CSPG4: variants seen among roughly 807,000 people sequenced by gnomAD.
CSPG4 encodes chondroitin sulfate proteoglycan 4 (melanoma-associated).
A neutral mutation model predicts 139.3 loss-of-function variants in CSPG4; 74 were observed. The observed-to-expected ratio is 0.53, with a 90% CI of 0.44 to 0.64. The LOEUF (loss-of-function observed/expected upper bound fraction) is 0.64, where lower values mean the gene tolerates loss of function less well. CSPG4 is among the 30% of genes least tolerant of loss of function. The probability of loss-of-function intolerance (pLI) is 0.00; values close to 1 mark genes in which losing one functional copy is unlikely to be tolerated. For synonymous variants in CSPG4, 1,234 were observed against 1,394.2 expected (o/e 0.89, Z 2.56); for missense variants, 2,565 against 3,148.3 (o/e 0.81, Z 4.43).
At chr15:75,678,534 T>G in intron 8 of CSPG4, 2 of 402,862 alleles carry the variant, frequency 5.0e-6, no homozygotes, top group South Asian at 1.8e-5. Flanking sequence ...TTTTATTGTT[T>G]GTTGAGACAG....
chr15:75,698,052 G>A lies in CSPG4; in HGVS notation c.89-4819C>T, dbSNP rs991591786. ...AAAACTCGAGGGAGACAGAGAAGGC[G>A]GGATGTTGGCAGCAAGCCTGCTGCT... On this transcript the variant is annotated intron_variant, in intron 1 of 9. Transcript: ENST00000308508. This position sits in a 1 kb window ranked among gnomAD's most constrained non-coding sequence, Gnocchi z 4.3. Among the ~76,000 whole-genome samples, 1 of 152,308 alleles carries A rather than the reference G, an allele frequency of 6.6e-6. No homozygotes were observed. The highest frequency in any genetic ancestry group is 1.9e-4 in the East Asian group (1 of 5,174).
chr15:75,709,037 T>C (rs1596015061), intron 1 of CSPG4, among the ~76,000 whole-genome samples: 2 of 152,038 alleles, frequency 1.3e-5, no homozygotes, highest in African/African-American at 4.8e-5. Flanking sequence ...CACTATGGGG[T>C]GTCCCTGAAG....
Position 75,674,392 on chromosome 15 carries a change from T to C in CSPG4, c.*1158A>G, listed in dbSNP as rs1893860034. The C allele has an allele frequency of 7.4e-6, 2 of 270,616 alleles. No individual in the cohort carries two copies. Among genetic ancestry groups the C allele is most frequent in the African/African-American group, 2.2e-5 (1 of 45,744 alleles). 16.8% of individuals were successfully genotyped at this position (270,616 alleles called of 1,614,324 possible). A position where few individuals can be genotyped will look rare whatever the true frequency, so the allele number is the denominator to read the frequency against. On this transcript the variant is annotated 3_prime_UTR_variant, in exon 10 of 10. Coordinates refer to ENST00000308508, the MANE Select transcript of CSPG4 (RefSeq NM_001897.5). The stretch of plus-strand genomic sequence containing the variant: ...TGTAGAGGACCTAGCCTTTCTCTAC[T>C]GAACTGAAGGGGTTTGGTCCCATCA...
intron 8 of CSPG4, chr15:75,678,874 T>A: frequency 4.5e-6 from 2 of 442,934 alleles, no homozygotes; most frequent in Non-Finnish European, 9.1e-6. Flanking sequence ...CAGCCTCCTC[T>A]TAACTGCTCA....
chr15:75,678,951 G>A, intron 8 of CSPG4: 1 of 359,218 alleles, frequency 2.8e-6, no homozygotes, highest in Non-Finnish European at 5.5e-6. Context: ...ACTTCACTCT[G>A]GGGTTCCTCC....
At position 75,688,688 on chromosome 15, in the gene CSPG4, G is replaced by C. The variant is rs1394680122; in HGVS notation, c.2377C>G (p.His793Asp). 15 of 1,611,204 alleles carry C rather than the reference G, an allele frequency of 9.3e-6. No homozygotes were observed. Among genetic ancestry groups the C allele is most frequent in the Non-Finnish European group, 1.3e-5 (15 of 1,178,924 alleles). Residue 793 changes from histidine (H) to aspartate (D), a missense_variant, in exon 3 of 10, where the codon CAC becomes GAC. Physicochemically the swap from His to Asp is moderately conservative, Grantham distance 81. Coordinates refer to ENST00000308508, the MANE Select transcript of CSPG4 (RefSeq NM_001897.5). ...TVWMLRLEPLHTQNTQQETLT... is the reference protein window; with the variant it reads ...TVWMLRLEPLDTQNTQQETLT... ...GTCTCCTGCTGGGTGTTCTGAGTGTGCAGTGGCTCCAGCCGCAGCATCCAC... is the reference window on the plus strand; with the variant it reads ...GTCTCCTGCTGGGTGTTCTGAGTGTCCAGTGGCTCCAGCCGCAGCATCCAC...
chr15:75,697,543 C>A (rs35254471), intron 1 of CSPG4, among the ~76,000 whole-genome samples: 1 of 152,078 alleles, frequency 6.6e-6, no homozygotes, highest in Non-Finnish European at 1.5e-5. Flanking sequence ...CCCTACCCAC[C>A]CAGGCACCCC....
rs1566974565 is a variant in CSPG4 at position 75,689,082 on chromosome 15, CGGCCGGAT to C, written c.1975_1982del (p.Ile659GlyfsTer63). On this transcript the variant is annotated frameshift_variant, in exon 3 of 10. Coordinates refer to ENST00000308508, the MANE Select transcript of CSPG4 (RefSeq NM_001897.5). LOFTEE classifies it high-confidence loss of function. ...CTGTGCTGCGGTGGATCTGTATGGC[CGGCCGGAT>C]GGCCACCACCTTCAGCGTGGCCGGG... is the stretch of plus-strand genomic sequence containing the variant. 2 of 1,606,948 alleles carry C rather than the reference CGGCCGGAT, an allele frequency of 1.2e-6. No individual in the cohort carries two copies. Among genetic ancestry groups the C allele is most frequent in the Admixed American group, 3.3e-5 (2 of 59,874 alleles).
chr15:75,676,433 A>G lies in CSPG4; in HGVS notation c.6086T>C (p.Leu2029Pro). Residue 2029 changes from leucine (L) to proline (P), a missense_variant, in exon 10 of 10, where the codon CTG becomes CCG. Physicochemically the swap from Leu to Pro is moderately conservative, Grantham distance 98. Transcript: ENST00000308508. ...SSHDHFRVLA[L>P]ARGVNASAVV... ...GGCTGATGCATTGACACCCCTAGCC[A>G]GTGCCAGGACTCTGAAGTGGTCATG... 1 of 1,613,930 alleles carries G rather than the reference A, an allele frequency of 6.2e-7. No homozygotes were observed. Among genetic ancestry groups the G allele is most frequent in the Non-Finnish European group, 8.5e-7 (1 of 1,180,014 alleles).
rs1894264460 is a variant in CSPG4, at chr15:75,698,901, G to A, written c.89-5668C>T. 6.6e-6 allele frequency among the ~76,000 whole-genome samples: 1 copy of A among 152,164 alleles called. No homozygotes were observed. On this transcript the variant is annotated intron_variant, in intron 1 of 9. Coordinates refer to ENST00000308508, the MANE Select transcript of CSPG4 (RefSeq NM_001897.5). The surrounding 1 kb of genome is among the most constrained non-coding windows in gnomAD (Gnocchi z 4.3). ...GACTAAGGGGAGCGACCTGCCCAGT[G>A]ATGACACTGGGGTCACCAGGGCCCA... is the stretch of plus-strand genomic sequence containing the variant.
chr15:75,702,235 C>A (rs1204144246), intron 1 of CSPG4, among the ~76,000 whole-genome samples: 1 of 152,242 alleles, frequency 6.6e-6, no homozygotes, highest in Non-Finnish European at 1.5e-5. Flanking sequence ...CTCCACGCCT[C>A]CGTCTCACTA....
rs2141419801 is a variant in CSPG4 at position 75,676,130 on chromosome 15, G to A, written c.6389C>T (p.Pro2130Leu). Residue 2130 changes from proline (P) to leucine (L), a missense_variant, in exon 10 of 10, where the codon CCA becomes CTA. Physicochemically the swap from Pro to Leu is moderately conservative, Grantham distance 98. This residue lies in a region of CSPG4 where 2,316 missense variants were observed against 2,818.2 expected (regional missense o/e 0.82). Coordinates refer to ENST00000308508, the MANE Select transcript of CSPG4 (RefSeq NM_001897.5). ...DGRLGLEVGR[P>L]EGRAPGPAGD... ...TGCGGGGCCGGGGGCCCTCCCCTCT[G>A]GCCTGCCCACCTCCAGCCCCAGCCT... 2 of 1,542,076 alleles carry A rather than the reference G, an allele frequency of 1.3e-6. No individual in the cohort carries two copies. Among genetic ancestry groups the A allele is most frequent in the Non-Finnish European group, 1.7e-6 (2 of 1,149,816 alleles).
At chr15:75,677,479 C>T in intron 9 of CSPG4, 95 bp from the exon 10 acceptor site, 1 of 1,323,920 alleles carries the variant, frequency 7.6e-7, no homozygotes, top group Non-Finnish European at 9.9e-7. Flanking sequence ...ATGTGCCTCC[C>T]CCCAACCATC....
chr15:75,678,411 G>A, intron 8 of CSPG4: 1 of 331,572 alleles, frequency 3.0e-6, no homozygotes, highest in Non-Finnish European at 5.9e-6. Flanking sequence ...GGACTGCAGT[G>A]GCGTGATCAT....
In CSPG4 at chr15:75,688,764, C is replaced by T. The variant is rs751395635; in HGVS notation, c.2301G>A (p.Gln767=). 2.5e-6 allele frequency: 4 copies of T among 1,612,614 alleles called. No homozygotes were observed. Among genetic ancestry groups the T allele is most frequent in the South Asian group, 2.2e-5 (2 of 91,046 alleles). The change falls in exon 3 of 10, where the codon CAG becomes CAA. Residue 767 remains glutamine, a synonymous_variant. Coordinates refer to ENST00000308508, the MANE Select transcript of CSPG4 (RefSeq NM_001897.5). ...ENLALEVQVG[Q]EILSNLSFPV... The stretch of plus-strand genomic sequence containing the variant: ...GGAAGGACAGATTGCTCAGGATCTC[C>T]TGGCCCACCTGCACCTCCAGGGCCA...
rs572390332 is a variant in CSPG4 at position 75,704,539 on chromosome 15, C to T, written c.88+8129G>A. Among the ~76,000 whole-genome samples, 107 of 152,302 alleles carry T rather than the reference C, an allele frequency of 7.0e-4. 1 individual carries two copies. The highest frequency in any genetic ancestry group is 2.5e-3 in the African/African-American group (103 of 41,560). On this transcript the variant is annotated intron_variant, in intron 1 of 9. Transcript: ENST00000308508. ...AAAACATGTGGGTGGGGGGCCTGGC[C>T]GGGCCCTGTCCAGGGGTCTGTGGAG... is the stretch of plus-strand genomic sequence containing the variant.
rs1379852639 is a variant in CSPG4, at chr15:75,712,807, C to A, written c.-52G>T. On this transcript the variant is annotated 5_prime_UTR_variant, in exon 1 of 10. Coordinates refer to ENST00000308508, the MANE Select transcript of CSPG4 (RefSeq NM_001897.5). Reference sequence around the variant, plus strand: ...CGAGGAGCCAGCGGAGTCCTGGGAGCTGGGAGCTGAGTGGAGCGAGCGCGG... The same window carrying A: ...CGAGGAGCCAGCGGAGTCCTGGGAGATGGGAGCTGAGTGGAGCGAGCGCGG... 1.6e-5 allele frequency: 23 copies of A among 1,469,056 alleles called. No individual in the cohort carries two copies. The highest frequency in any genetic ancestry group is 2.0e-5 in the Non-Finnish European group (22 of 1,097,532). The allele number at this position is 1,469,056 out of a possible 1,614,324, so 91.0% of individuals were successfully genotyped here.
Position 75,689,275 on chromosome 15 carries a change from G to A in CSPG4, c.1790C>T (p.Thr597Ile), listed in dbSNP as rs768506666. ...GCGCTCCACGGGGAGGCCAGAGGAG[G>A]TGCCAAGGACCTGGAAGGTGAGGCC... ...CEGLTFQVLG[T>I]SSGLPVERRD... is the part of the protein sequence containing the mutation. The change falls in exon 3 of 10, where the codon ACC becomes ATC. Residue 597 changes from threonine (T) to isoleucine (I), a missense_variant. Thr to Ile is a moderately conservative substitution (Grantham distance 89, BLOSUM62 -1). This residue lies in a region of CSPG4 where 2,316 missense variants were observed against 2,818.2 expected (regional missense o/e 0.82). Coordinates refer to ENST00000308508, the MANE Select transcript of CSPG4 (RefSeq NM_001897.5). 5.0e-6 allele frequency: 8 copies of A among 1,610,686 alleles called. No individual in the cohort carries two copies. Among genetic ancestry groups the A allele is most frequent in the Non-Finnish European group, 5.9e-6 (7 of 1,179,792 alleles).
In CSPG4 at chr15:75,688,158, C is replaced by T; in HGVS notation, c.2907G>A (p.Arg969=). Residue 969 remains arginine, a synonymous_variant, in exon 3 of 10, where the codon CGG becomes CGA. Transcript: ENST00000308508. ...SFTNEDLLRG[R]LVYQHDDSET... ...CGGAGTCATCATGCTGGTAGACCAG[C>T]CGGCCACGCAACAGGTCTTCATTGG... The T allele has an allele frequency of 6.2e-7, 1 of 1,612,816 alleles. No individual in the cohort carries two copies. Among genetic ancestry groups the T allele is most frequent in the South Asian group, 1.1e-5 (1 of 91,078 alleles).
Sources: allele counts gnomAD v4.1 joint callset (sites outside exome capture counted in the v4.1 genomes callset), GRCh38; gene constraint gnomAD v4.1.1; regional missense constraint gnomAD v4.1.1; non-coding constraint Gnocchi (gnomAD v3.1); transcripts MANE v1.5; gene names NCBI Gene and HGNC (gene_info 2026-07-23, HGNC 2026-07-21).